Variants in PHF21B observed in about 807,000 individuals in gnomAD.
PHF21B encodes PHD finger protein 4.
PHF21B carries 22 observed loss-of-function variants against 62.2 expected under a neutral mutation model. The observed-to-expected ratio is 0.35, with a 90% CI of 0.25 to 0.51. PHF21B has a LOEUF of 0.51. Ranked by LOEUF, PHF21B falls within the 20% of genes least tolerant of loss-of-function variation. PHF21B has a pLI of 0.97. For missense variants in PHF21B, 701 were observed against 707.9 expected (o/e 0.99, Z 0.11); for synonymous variants, 341 against 314.7 (o/e 1.08, Z -0.88).
At chr22:44,979,534 C>T (rs1008855699) in intron 2 of PHF21B, among the ~76,000 whole-genome samples, 1 of 152,180 alleles carries the variant, frequency 6.6e-6, no homozygotes, top group East Asian at 1.9e-4. Context: ...CTCATGTCTG[C>T]CCAGTGTCCT....
chr22:44,886,748 G>A (rs572420493), intron 10 of PHF21B, among the ~76,000 whole-genome samples: 271 of 151,978 alleles, frequency 1.8e-3, no homozygotes, highest in African/African-American at 6.4e-3. Context: ...GCAGGTAGCC[G>A]CAGAGGGAAC....
intron 2 of PHF21B, among the ~76,000 whole-genome samples, chr22:44,989,720 G>A (rs1050577215): frequency 6.7e-5 from 10 of 148,608 alleles, no homozygotes; most frequent in Non-Finnish European, 8.9e-5. Context: ...AGCGATTCTC[G>A]TGCCTCAGCC....
chr22:44,891,327 G>C lies in PHF21B; in HGVS notation c.994C>G (p.Pro332Ala). The C allele has an allele frequency of 6.2e-7, 1 of 1,614,062 alleles. No individual in the cohort carries two copies. Among genetic ancestry groups the C allele is most frequent in the Non-Finnish European group, 8.5e-7 (1 of 1,180,022 alleles). Residue 332 changes from proline to alanine, a missense_variant, in exon 8 of 13, where the codon CCC becomes GCC. By Grantham distance (27) the Pro-to-Ala change is conservative (BLOSUM62 -1). Coordinates refer to ENST00000313237, the MANE Select transcript of PHF21B (RefSeq NM_138415.5). ...TTACCTCTCGCTGTGAGGAACAGGG[G>C]GTTGTTGAGATAGTTGGAGGCCAGC... is the stretch of plus-strand genomic sequence containing the variant. ...KRLASNYLNN[P>A]LFLTARANED...
At chr22:44,983,751 C>T (rs1454453757) in intron 2 of PHF21B, among the ~76,000 whole-genome samples, 3 of 152,164 alleles carry the variant, frequency 2.0e-5, no homozygotes, top group Non-Finnish European at 4.4e-5. Flanking sequence ...TGTTTACAAA[C>T]TGCTACAGTT....
intron 9 of PHF21B, 57 bp from the exon 10 acceptor site, chr22:44,888,178 G>A (rs1227144529): frequency 2.6e-5 from 37 of 1,427,344 alleles, no homozygotes; most frequent in South Asian, 8.9e-5. Flanking sequence ...AGCGGGGGCC[G>A]GTCAGCCAGG....
intron 2 of PHF21B, among the ~76,000 whole-genome samples, chr22:44,943,200 G>A (rs1463286754): frequency 1.3e-5 from 2 of 152,132 alleles, no homozygotes; most frequent in Non-Finnish European, 2.9e-5. Context: ...CCCAAGCCTG[G>A]AGAAAAGAGC....
At chr22:45,004,845 A>G (rs1172691708) in intron 2 of PHF21B, among the ~76,000 whole-genome samples, 1 of 152,242 alleles carries the variant, frequency 6.6e-6, no homozygotes, top group African/African-American at 2.4e-5. Flanking sequence ...ACTCGGGGAC[A>G]GCCTCTCAGA....
intron 2 of PHF21B, among the ~76,000 whole-genome samples, chr22:45,007,739 G>T (rs1265946526): frequency 1.4e-5 from 2 of 141,428 alleles, no homozygotes; most frequent in Non-Finnish European, 3.2e-5. Context: ...AGTGCGGGGA[G>T]GGGGCGCGGC....
intron 2 of PHF21B, among the ~76,000 whole-genome samples, chr22:44,979,849 A>G (rs944680428): frequency 6.6e-6 from 1 of 151,904 alleles, no homozygotes; most frequent in African/African-American, 2.4e-5. Context: ...CAGGGGGATC[A>G]TTTGAGGTCA....
intron 2 of PHF21B, among the ~76,000 whole-genome samples, chr22:44,987,456 C>T (rs918401565): frequency 1.3e-5 from 2 of 152,178 alleles, no homozygotes; most frequent in African/African-American, 4.8e-5. Context: ...AAGGCGTGCA[C>T]TCAGATCACC....
chr22:44,951,988 C>T (rs1569250050), intron 2 of PHF21B, among the ~76,000 whole-genome samples: 1 of 152,152 alleles, frequency 6.6e-6, no homozygotes, highest in Non-Finnish European at 1.5e-5. Flanking sequence ...TTCCATGATT[C>T]TCAGATCTGT....
rs1330694565 is a variant in PHF21B at position 44,980,070 on chromosome 22, A to C, written c.120+28475T>G. Among the ~76,000 whole-genome samples the C allele has an allele frequency of 5.2e-3, 6 of 1,158 alleles. No individual in the cohort carries two copies. The South Asian group carries it at 0.12, about 22-fold the overall frequency. The allele number at this position is 1,158 out of a possible 152,430, so 0.8% of individuals were successfully genotyped here. On this transcript the variant is annotated intron_variant, in intron 2 of 12. Coordinates refer to ENST00000313237, the MANE Select transcript of PHF21B (RefSeq NM_138415.5). ...GGCAACAGAGCAAGACTTCGTCTCA[A>C]AAAAAAAAAAAAAAAAAAAAAAAAA...
At chr22:44,899,633 CCTT>C (rs924403557) in intron 5 of PHF21B, among the ~76,000 whole-genome samples, 34 of 151,988 alleles carry the variant, frequency 2.2e-4, no homozygotes, top group African/African-American at 7.7e-4. Context: ...CCTTCTCCTT[CCTT>C]CTTCTTCTCC....
At chr22:44,890,008 C>T (rs1490187812) in intron 8 of PHF21B, among the ~76,000 whole-genome samples, 1 of 135,314 alleles carries the variant, frequency 7.4e-6, no homozygotes, top group South Asian at 2.4e-4. Flanking sequence ...GGGAATATCA[C>T]AAGGCCCCCA....
At chr22:44,949,542 G>A (rs1382559674) in intron 2 of PHF21B, among the ~76,000 whole-genome samples, 1 of 152,178 alleles carries the variant, frequency 6.6e-6, no homozygotes, top group South Asian at 2.1e-4. Context: ...GATTGAGTTT[G>A]TTGAGCAGGT....
chr22:44,922,152 C>T (rs2071549596), intron 2 of PHF21B, among the ~76,000 whole-genome samples: 1 of 152,174 alleles, frequency 6.6e-6, no homozygotes, highest in South Asian at 2.1e-4. Context: ...AAGGATAAGA[C>T]ATCATGAACA....
intron 3 of PHF21B, among the ~76,000 whole-genome samples, chr22:44,918,280 G>T (rs1344091136): frequency 6.6e-6 from 1 of 152,342 alleles, no homozygotes; most frequent in Admixed American, 6.5e-5. Context: ...CCGTGTTCTG[G>T]TCGATCATCT....
chr22:44,943,432 G>A (rs2072000608), intron 2 of PHF21B, among the ~76,000 whole-genome samples: 1 of 152,174 alleles, frequency 6.6e-6, no homozygotes, highest in Admixed American at 6.5e-5. Flanking sequence ...GAAGTACCAG[G>A]GAATGTTTGG....
Position 44,913,962 on chromosome 22 carries a change from C to T in PHF21B, c.691G>A (p.Val231Ile), listed in dbSNP as rs757491281. The change falls in exon 5 of 13, where the codon GTC becomes ATC. Residue 231 changes from valine (V) to isoleucine (I), a missense_variant. By Grantham distance (29) the Val-to-Ile change is conservative. Coordinates refer to ENST00000313237, the MANE Select transcript of PHF21B (RefSeq NM_138415.5). ...SPSPLHGIFQ[V>I]IIIQPQVQTQ... is the part of the protein sequence containing the mutation. Reference sequence around the variant, plus strand: ...TGCACTTGAGGCTGAATGATGATGACCTGGAAGATGCCATGGAGGGGTGAA... The same window carrying T: ...TGCACTTGAGGCTGAATGATGATGATCTGGAAGATGCCATGGAGGGGTGAA... The T allele has an allele frequency of 6.2e-7, 1 of 1,611,706 alleles. No homozygotes were observed. Among genetic ancestry groups the T allele is most frequent in the South Asian group, 1.1e-5 (1 of 90,814 alleles).
Sources: gnomAD v4.1 joint callset for allele counts (sites outside exome capture counted in the v4.1 genomes callset) on GRCh38, gnomAD v4.1.1 for gene constraint, MANE v1.5 for transcripts, NCBI Gene and HGNC (gene_info 2026-07-23, HGNC 2026-07-21) for gene names.